Variants in DLC1 observed in about 807,000 individuals in gnomAD.
DLC1 encodes rho GTPase-activating protein 7.
Under a neutral mutation model 140.3 loss-of-function variants are expected in DLC1, and 54 were observed. The observed-to-expected ratio is 0.38, with a 90% CI of 0.31 to 0.48. The LOEUF (loss-of-function observed/expected upper bound fraction) is 0.48. Ranked by LOEUF, DLC1 falls within the 20% of genes least tolerant of loss-of-function variation. DLC1 has a pLI of 0.96. For synonymous variants in DLC1, 986 were observed against 728.1 expected (o/e 1.35, Z -5.70); for missense variants, 2,536 against 1,907.0 (o/e 1.33, Z -6.14).
chr8:13,298,400 A>G (rs1466518636), intron 5 of DLC1, among the ~76,000 whole-genome samples: 1 of 152,232 alleles, frequency 6.6e-6, no homozygotes, highest in Admixed American at 6.5e-5. Flanking sequence ...AGAAGGTTAA[A>G]TAAAAAGCTT....
chr8:13,418,539 A>G (rs897487788), intron 2 of DLC1, among the ~76,000 whole-genome samples: 3 of 151,982 alleles, frequency 2.0e-5, no homozygotes, highest in Admixed American at 2.0e-4. Flanking sequence ...AAGCAGCGTT[A>G]TTTCTGAGGG....
intron 4 of DLC1, among the ~76,000 whole-genome samples, chr8:13,368,446 C>T (rs1156523841): frequency 6.6e-6 from 1 of 152,032 alleles, no homozygotes; most frequent in Non-Finnish European, 1.5e-5. Context: ...TTCTCATTTG[C>T]CCCAAGGAAA....
intron 4 of DLC1, among the ~76,000 whole-genome samples, chr8:13,359,926 C>G (rs1487082181): frequency 2.6e-5 from 4 of 152,162 alleles, no homozygotes; most frequent in Non-Finnish European, 5.9e-5. Context: ...TGCATTTACA[C>G]TTGACAGGGT....
intron 5 of DLC1, among the ~76,000 whole-genome samples, chr8:13,296,154 C>T (rs1409026295): frequency 1.3e-5 from 2 of 151,686 alleles, no homozygotes; most frequent in African/African-American, 4.8e-5. Context: ...CAGAGTTACA[C>T]CATGTTGGCC....
At chr8:13,206,638 C>T (rs763069533) in intron 5 of DLC1, among the ~76,000 whole-genome samples, 10 of 151,970 alleles carry the variant, frequency 6.6e-5, no homozygotes, top group South Asian at 4.2e-4. Flanking sequence ...AATTAATAAA[C>T]GAGCTATTTT....
chr8:13,365,973 C>T (rs1410521907), intron 4 of DLC1, among the ~76,000 whole-genome samples: 1 of 152,058 alleles, frequency 6.6e-6, no homozygotes, highest in South Asian at 2.1e-4. Flanking sequence ...AATGTACCAG[C>T]CAGAAGGTTT....
At chr8:13,497,179 T>C (rs1801555561) in intron 2 of DLC1, among the ~76,000 whole-genome samples, 1 of 152,196 alleles carries the variant, frequency 6.6e-6, no homozygotes, top group South Asian at 2.1e-4. Context: ...TGAACACCTC[T>C]GTACATATCT....
chr8:13,521,919 T>C (rs751762338), intron 1 of DLC1, among the ~76,000 whole-genome samples: 2 of 152,220 alleles, frequency 1.3e-5, no homozygotes, highest in Non-Finnish European at 2.9e-5. Flanking sequence ...GTCTGTGTAT[T>C]GTCAATGCAG....
intron 2 of DLC1, among the ~76,000 whole-genome samples, chr8:13,424,445 C>T (rs570308287): frequency 5.9e-5 from 9 of 152,120 alleles, no homozygotes; most frequent in South Asian, 2.1e-4. Flanking sequence ...GCAGAGATCA[C>T]GCCACTTCAC....
At chr8:13,340,941 C>A (rs145000279) in intron 4 of DLC1, 1 of 152,168 alleles carries the variant, frequency 6.6e-6, no homozygotes, top group Non-Finnish European at 1.5e-5. Context: ...GTAGTTTTAC[C>A]AGCGTCTAAC....
At chr8:13,500,828 A>ATGTC (rs3066360) in intron 1 of DLC1, among the ~76,000 whole-genome samples, 1 of 152,062 alleles carries the variant, frequency 6.6e-6, no homozygotes, top group Non-Finnish European at 1.5e-5. Context: ...ACCATTTACA[A>ATGTC]TTAGGACAGA....
intron 5 of DLC1, among the ~76,000 whole-genome samples, chr8:13,144,818 G>A (rs2128973571): frequency 6.6e-6 from 1 of 152,214 alleles, no homozygotes; most frequent in East Asian, 1.9e-4. Context: ...CTATTTATCT[G>A]TCCTACTGGT....
chr8:13,156,053 A>C (rs1200036784), intron 5 of DLC1, among the ~76,000 whole-genome samples: 1 of 152,130 alleles, frequency 6.6e-6, no homozygotes. Flanking sequence ...AAATGTGACA[A>C]TTTATTTTCT....
At chr8:13,355,086 A>G (rs1416061983) in intron 4 of DLC1, among the ~76,000 whole-genome samples, 6 of 149,836 alleles carry the variant, frequency 4.0e-5, no homozygotes, top group South Asian at 4.3e-4. Flanking sequence ...TAAAAAATAC[A>G]TCATTTTTTA....
intron 5 of DLC1, among the ~76,000 whole-genome samples, chr8:13,230,565 G>GATAGAT (rs1828996704): frequency 6.6e-6 from 1 of 151,506 alleles, no homozygotes; most frequent in Non-Finnish European, 1.5e-5. Context: ...CTTCAATCCA[G>GATAGAT]ATAGATATAG....
chr8:13,160,894 T>C (rs1328961713), intron 5 of DLC1, among the ~76,000 whole-genome samples: 2 of 152,114 alleles, frequency 1.3e-5, no homozygotes, highest in East Asian at 3.9e-4. Context: ...GAGACCATCA[T>C]GGCGGTGAAA....
chr8:13,125,805 A>G (rs74326229), intron 5 of DLC1, among the ~76,000 whole-genome samples: 3,400 of 151,766 alleles, frequency 0.022, 117 homozygotes, highest in African/African-American at 0.078. Context: ...ATTAAAGAAC[A>G]TTCCTAGAAA....
At chr8:13,577,945 G>A (rs1804903556) in intron 1 of DLC1, among the ~76,000 whole-genome samples, 1 of 152,026 alleles carries the variant, frequency 6.6e-6, no homozygotes, top group Non-Finnish European at 1.5e-5. Flanking sequence ...ACAGGAGGTG[G>A]GGACATAAGG....
chr8:13,122,493 GA>G (rs538131717), intron 5 of DLC1, among the ~76,000 whole-genome samples: 3,744 of 147,822 alleles, frequency 0.025, 120 homozygotes, highest in African/African-American at 0.08. Flanking sequence ...AGAAGGAAAA[GA>G]AAAAAAAAAA....
Sources: gnomAD v4.1 joint callset for allele counts (sites outside exome capture counted in the v4.1 genomes callset) on GRCh38, gnomAD v4.1.1 for gene constraint, MANE v1.5 for transcripts, NCBI Gene and HGNC (gene_info 2026-07-23, HGNC 2026-07-21) for gene names.